Variants in ASXL3 observed in about 807,000 individuals in gnomAD.
The protein encoded by ASXL3 is ASXL transcriptional regulator 3, also known as putative Polycomb group protein ASXL3.
Under a neutral mutation model 170.6 loss-of-function variants are expected in ASXL3, and 34 were observed. The ratio of observed to expected loss-of-function variants is 0.20; its 90% CI spans 0.15 to 0.27. ASXL3 has a LOEUF of 0.27. Among genes scored for constraint, ASXL3 ranks in the 10% least tolerant of loss-of-function variants. The probability of loss-of-function intolerance (pLI) is 1.00; values close to 1 mark genes in which losing one functional copy is unlikely to be tolerated. For missense variants in ASXL3, 2,592 were observed against 2,695.3 expected (o/e 0.96, Z 0.85); for synonymous variants, 1,002 against 989.1 (o/e 1.01, Z -0.24).
chr18:33,643,399 T>A (rs1042067021), intron 2 of ASXL3, among the ~76,000 whole-genome samples: 2 of 151,846 alleles, frequency 1.3e-5, no homozygotes, highest in African/African-American at 4.8e-5. Context: ...AGGAGCTTCA[T>A]GAGGAAAGAT....
At chr18:33,580,931 A>C (rs1330113886) in intron 1 of ASXL3, among the ~76,000 whole-genome samples, 1 of 152,196 alleles carries the variant, frequency 6.6e-6, no homozygotes, top group Non-Finnish European at 1.5e-5. Context: ...ATTGCAAGGA[A>C]TCGTACTGGA....
At chr18:33,610,717 G>A (rs2065323490) in intron 2 of ASXL3, among the ~76,000 whole-genome samples, 1 of 152,054 alleles carries the variant, frequency 6.6e-6, no homozygotes, top group African/African-American at 2.4e-5. Context: ...TTCTCAAGAC[G>A]TTAATTTGCT....
chr18:33,615,886 G>A (rs754332434), intron 2 of ASXL3, among the ~76,000 whole-genome samples: 14 of 152,110 alleles, frequency 9.2e-5, no homozygotes, highest in Admixed American at 7.2e-4. Context: ...TAATCTGGCC[G>A]TTTTTATATA....
intron 2 of ASXL3, among the ~76,000 whole-genome samples, chr18:33,610,395 AG>A (rs765287207): frequency 4.6e-5 from 7 of 151,950 alleles, no homozygotes; most frequent in Non-Finnish European, 1.0e-4. Flanking sequence ...TATGGATGAA[AG>A]GTAATGTTTT....
In ASXL3 at chr18:33,728,722, A is replaced by T. The variant is rs544616897; in HGVS notation, c.880-3246A>T. ...TGAAGACCTTCACCCAGTCATAAAT[A>T]TATCTCAGATTTGTCTTTCTTTTGT... On this transcript the variant is annotated intron_variant, in intron 8 of 11. Coordinates refer to ENST00000269197, the MANE Select transcript of ASXL3 (RefSeq NM_030632.3). 2.0e-5 allele frequency among the ~76,000 whole-genome samples: 3 copies of T among 152,226 alleles called. No homozygotes were observed. In the East Asian group the frequency reaches 5.8e-4, roughly 29 times the overall value.
At chr18:33,690,014 A>G (rs2066662222) in intron 8 of ASXL3, among the ~76,000 whole-genome samples, 1 of 151,756 alleles carries the variant, frequency 6.6e-6, no homozygotes, top group African/African-American at 2.4e-5. Context: ...TGTCTCCATT[A>G]TTATTTATTT....
intron 8 of ASXL3, among the ~76,000 whole-genome samples, chr18:33,715,251 A>G (rs192988069): frequency 2.6e-5 from 4 of 152,330 alleles, no homozygotes. Context: ...GAAACTTCCC[A>G]AATTCCCTGT....
chr18:33,599,807 C>T (rs2065165232), intron 1 of ASXL3, among the ~76,000 whole-genome samples: 2 of 151,912 alleles, frequency 1.3e-5, no homozygotes, highest in South Asian at 4.1e-4. Flanking sequence ...TGCATTAAAA[C>T]AAAGATATGC....
At chr18:33,672,747 AGAGTGT>A (rs1599475470) in intron 7 of ASXL3, among the ~76,000 whole-genome samples, 1 of 152,186 alleles carries the variant, frequency 6.6e-6, no homozygotes, top group African/African-American at 2.4e-5. Flanking sequence ...TCTTATTTGC[AGAGTGT>A]ATTTGTTTAT....
intron 1 of ASXL3, among the ~76,000 whole-genome samples, chr18:33,580,639 A>C (rs920164901): frequency 3.3e-5 from 5 of 152,228 alleles, no homozygotes; most frequent in Non-Finnish European, 7.3e-5. Context: ...TATTTGATCT[A>C]ATAATGATAT....
intron 4 of ASXL3, among the ~76,000 whole-genome samples, chr18:33,659,588 T>G (rs1348805614): frequency 6.6e-6 from 1 of 152,158 alleles, no homozygotes; most frequent in Non-Finnish European, 1.5e-5. Flanking sequence ...TTGAAAAGGC[T>G]ATCTGTATTA....
At chr18:33,656,042 G>T (rs2066079428) in intron 4 of ASXL3, among the ~76,000 whole-genome samples, 2 of 151,992 alleles carry the variant, frequency 1.3e-5, no homozygotes, top group African/African-American at 4.8e-5. Context: ...TGATTGGCAT[G>T]AGGGAAAGTA....
At chr18:33,646,448 A>G (rs2065915705) in intron 4 of ASXL3, 95 bp downstream of exon 4, 4 of 876,394 alleles carry the variant, frequency 4.6e-6, no homozygotes, top group South Asian at 2.0e-5. Flanking sequence ...ACCATTATCA[A>G]TACAGTTTTC....
intron 8 of ASXL3, among the ~76,000 whole-genome samples, chr18:33,703,564 G>A (rs910147440): frequency 7.9e-5 from 12 of 152,240 alleles, no homozygotes; most frequent in Non-Finnish European, 1.5e-4. Flanking sequence ...ACTCGAAGTT[G>A]GAAGGGATGA....
chr18:33,724,934 T>C (rs1351614927), intron 8 of ASXL3, among the ~76,000 whole-genome samples: 1 of 152,170 alleles, frequency 6.6e-6, no homozygotes, highest in Non-Finnish European at 1.5e-5. Context: ...TTTTTATGCC[T>C]ATCTTTATGT....
intron 4 of ASXL3, among the ~76,000 whole-genome samples, chr18:33,660,467 C>T (rs989168916): frequency 1.3e-5 from 2 of 152,102 alleles, no homozygotes; most frequent in Admixed American, 1.3e-4. Context: ...TTTGTTACTA[C>T]AATAATTTTT....
intron 4 of ASXL3, among the ~76,000 whole-genome samples, chr18:33,655,423 G>A (rs1203495937): frequency 6.6e-6 from 1 of 151,896 alleles, no homozygotes; most frequent in Non-Finnish European, 1.5e-5. Flanking sequence ...TCCTTTGAAA[G>A]GGTCTTAGGA....
In ASXL3 at chr18:33,743,584, T is replaced by C. The variant is rs773459238; in HGVS notation, c.3736T>C (p.Ser1246Pro). ...VPVSVCSTAISGAIKEHPFVS... is the reference protein window; with the variant it reads ...VPVSVCSTAIPGAIKEHPFVS... Reference sequence around the variant, plus strand: ...TGTATCTGTTTGCAGCACTGCTATATCGGGAGCAATTAAAGAACATCCCTT... The same window carrying C: ...TGTATCTGTTTGCAGCACTGCTATACCGGGAGCAATTAAAGAACATCCCTT... The change falls in exon 12 of 12, where the codon TCG (serine) becomes CCG (proline). Residue 1246 changes from serine to proline, a missense_variant. By Grantham distance (74) the Ser-to-Pro change is moderately conservative (BLOSUM62 -1). This residue lies in a region of ASXL3 where 2,246 missense variants were observed against 2,219.6 expected (regional missense o/e 1.01). Coordinates refer to ENST00000269197, the MANE Select transcript of ASXL3 (RefSeq NM_030632.3). 9 of 1,613,170 alleles carry C rather than the reference T, an allele frequency of 5.6e-6. No homozygotes were observed. Among genetic ancestry groups the C allele is most frequent in the South Asian group, 1.1e-5 (1 of 91,094 alleles).
At position 33,745,925 on chromosome 18, in the gene ASXL3, C is replaced by G; in HGVS notation, c.6077C>G (p.Pro2026Arg). 2 of 1,564,216 alleles carry G rather than the reference C, an allele frequency of 1.3e-6. No individual in the cohort carries two copies. The highest frequency in any genetic ancestry group is 1.4e-5 in the African/African-American group (1 of 71,324). ...CCGCCGCCACCGCCTCCCCCTCCCC[C>G]TCCACCCTTGGCTTTGCCCCCGCCT... is the stretch of plus-strand genomic sequence containing the variant. ...HPPPPPPPPP[P>R]PPLALPPPPP... The change falls in exon 12 of 12, where the codon CCT becomes CGT. Residue 2026 changes from proline to arginine, a missense_variant. Physicochemically the swap from Pro to Arg is moderately radical, Grantham distance 103 (BLOSUM62 -2). This residue lies in a region of ASXL3 where 2,246 missense variants were observed against 2,219.6 expected (regional missense o/e 1.01). Transcript: ENST00000269197.
Sources: gnomAD v4.1 joint callset for allele counts (sites outside exome capture counted in the v4.1 genomes callset) on GRCh38, gnomAD v4.1.1 for gene constraint, gnomAD v4.1.1 regional missense constraint, MANE v1.5 for transcripts, NCBI Gene and HGNC (gene_info 2026-07-23, HGNC 2026-07-21) for gene names.